Variants in LINGO2 observed in about 807,000 individuals in gnomAD.
The protein encoded by LINGO2 is leucine-rich repeat and immunoglobulin-like domain-containing nogo receptor-interacting protein 2.
LINGO2 carries 14 observed loss-of-function variants against 30.6 expected under a neutral mutation model. The observed-to-expected ratio is 0.46, with a 90% CI of 0.30 to 0.72. The LOEUF (loss-of-function observed/expected upper bound fraction) is 0.72. Among genes scored for constraint, LINGO2 ranks in the 30% least tolerant of loss-of-function variants. The pLI is 0.07. For missense variants in LINGO2, 729 were observed against 751.7 expected (o/e 0.97, Z 0.35); for synonymous variants, 317 against 288.5 (o/e 1.10, Z -1.00).
Position 28,363,146 on chromosome 9 carries a change from T to A in LINGO2, c.-246+9690A>T, listed in dbSNP as rs191719042. ...ATTTTGTGGATAAGGAAACTCAAGT[T>A]TAGAGATTAGAAGCGTCTCTTCCAA... On this transcript the variant is annotated intron_variant, in intron 3 of 5. Coordinates refer to ENST00000379992, the Ensembl canonical transcript of LINGO2. 6.8e-4 allele frequency among the ~76,000 whole-genome samples: 103 copies of A among 152,294 alleles called. 1 individual carries two copies. Among genetic ancestry groups the A allele is most frequent in the African/African-American group, 2.4e-3 (100 of 41,560 alleles).
intron 2 of LINGO2, among the ~76,000 whole-genome samples, chr9:28,377,559 T>C (rs1363790267): frequency 6.6e-6 from 1 of 152,110 alleles, no homozygotes; most frequent in East Asian, 1.9e-4. Context: ...GGGGGGTTAG[T>C]TTCCCAACCC....
At chr9:27,997,236 G>A (rs558295713) in intron 5 of LINGO2, among the ~76,000 whole-genome samples, 1 of 152,302 alleles carries the variant, frequency 6.6e-6, no homozygotes, top group East Asian at 1.9e-4. Flanking sequence ...ACCTACATTT[G>A]TACCACCTGG....
chr9:28,189,293 A>AAGGAAGGAAGGGAGGG (rs1819670899), intron 4 of LINGO2, among the ~76,000 whole-genome samples: 1 of 15,436 alleles, frequency 6.5e-5, no homozygotes, highest in Admixed American at 1.0e-3. Context: ...GGGAGGGAGG[A>AAGGAAGGAAGGGAGGG]AGGAAGGAAG....
intron 3 of LINGO2, among the ~76,000 whole-genome samples, chr9:28,337,717 CAG>C (rs1362064589): frequency 6.6e-6 from 1 of 152,130 alleles, no homozygotes; most frequent in African/African-American, 2.4e-5. Flanking sequence ...GTCATTGCTT[CAG>C]AGAGTGCCAG....
At chr9:28,766,926 T>C in the LINGO2 span, among the ~76,000 whole-genome samples, 2 of 151,980 alleles carry the variant, frequency 1.3e-5, no homozygotes, top group African/African-American at 4.8e-5. Context: ...TTAAGTGAAA[T>C]AAGTCAGACA....
rs141609690 is a variant in LINGO2 at position 28,455,070 on chromosome 9, T to G, written c.-279+20870A>C. Reference sequence around the variant, plus strand: ...TTCTTTTAGATCCCTTCACTCACTTTCTCTATTGCTTTCCATTTCCTGAAG... The same window carrying G: ...TTCTTTTAGATCCCTTCACTCACTTGCTCTATTGCTTTCCATTTCCTGAAG... On this transcript the variant is annotated intron_variant, in intron 2 of 5. Transcript: ENST00000379992. Among the ~76,000 whole-genome samples the G allele has an allele frequency of 2.1e-3, 314 of 152,156 alleles. 1 individual carries two copies. Among genetic ancestry groups the G allele is most frequent in the African/African-American group, 7.3e-3 (303 of 41,544 alleles).
chr9:29,029,331 C>T, the LINGO2 span, among the ~76,000 whole-genome samples: 2 of 152,014 alleles, frequency 1.3e-5, no homozygotes, highest in East Asian at 3.9e-4. Flanking sequence ...TGTTATCTGC[C>T]TAACAGATAT....
intron 2 of LINGO2, among the ~76,000 whole-genome samples, chr9:28,471,304 A>G (rs538374138): frequency 6.6e-6 from 1 of 152,314 alleles, no homozygotes; most frequent in African/African-American, 2.4e-5. Flanking sequence ...ATGGTAGAAA[A>G]ACAGAAGGGC....
intron 4 of LINGO2, among the ~76,000 whole-genome samples, chr9:28,067,791 T>C (rs1825357585): frequency 6.6e-6 from 1 of 152,166 alleles, no homozygotes; most frequent in African/African-American, 2.4e-5. Flanking sequence ...TTATGAATTA[T>C]TTAGCAACGC....
At chr9:28,808,157 C>T in the LINGO2 span, among the ~76,000 whole-genome samples, 1 of 152,130 alleles carries the variant, frequency 6.6e-6, no homozygotes, top group Non-Finnish European at 1.5e-5. Context: ...AAACATTCTG[C>T]AGAACCAAAA....
chr9:29,049,149 G>A, the LINGO2 span, among the ~76,000 whole-genome samples: 1 of 152,124 alleles, frequency 6.6e-6, no homozygotes, highest in Non-Finnish European at 1.5e-5. Context: ...ATAAAAAATA[G>A]GCAACAGATT....
intron 3 of LINGO2, among the ~76,000 whole-genome samples, chr9:28,337,829 T>G (rs146133043): frequency 0.017 from 2,630 of 152,122 alleles, 44 homozygotes; most frequent in South Asian, 0.069. Context: ...AGAGGATGTA[T>G]GGAAATGCCT....
chr9:28,202,649 C>A (rs1291965136), intron 4 of LINGO2, among the ~76,000 whole-genome samples: 5 of 152,086 alleles, frequency 3.3e-5, no homozygotes, highest in Admixed American at 3.3e-4. Context: ...GCTATCAATG[C>A]AGAAAAACCC....
the LINGO2 span, among the ~76,000 whole-genome samples, chr9:28,921,635 GAAGAGAGAGAGAT>G: frequency 6.6e-6 from 1 of 151,944 alleles, no homozygotes; most frequent in Non-Finnish European, 1.5e-5. Context: ...GAGCAAGGAG[GAAGAGAGAGAGAT>G]AAGCTAACCC....
At chr9:28,864,106 T>C in the LINGO2 span, among the ~76,000 whole-genome samples, 1 of 152,122 alleles carries the variant, frequency 6.6e-6, no homozygotes, top group Admixed American at 6.6e-5. Flanking sequence ...TATATAAGTG[T>C]TGCTGGGATA....
chr9:28,749,674 T>G, the LINGO2 span, among the ~76,000 whole-genome samples: 1 of 152,022 alleles, frequency 6.6e-6, no homozygotes. Context: ...GATAAGTAAT[T>G]TGTCCAAGGC....
chr9:29,209,737 T>C, the LINGO2 span, among the ~76,000 whole-genome samples: 2 of 152,142 alleles, frequency 1.3e-5, no homozygotes, highest in African/African-American at 4.8e-5. Flanking sequence ...AAGTAGCCCC[T>C]AAACCATAAA....
the LINGO2 span, among the ~76,000 whole-genome samples, chr9:29,011,391 T>C: frequency 1.0e-4 from 8 of 77,980 alleles, no homozygotes; most frequent in Admixed American, 1.6e-4. Context: ...GGGCTGTGAA[T>C]TGACATCCTT....
At chr9:28,995,786 C>T in the LINGO2 span, among the ~76,000 whole-genome samples, 4 of 151,826 alleles carry the variant, frequency 2.6e-5, no homozygotes, top group South Asian at 2.1e-4. Flanking sequence ...AACCAAACAC[C>T]GCATGTTCTC....
Sources: allele counts gnomAD v4.1 joint callset (sites outside exome capture counted in the v4.1 genomes callset), GRCh38; gene constraint gnomAD v4.1.1; transcripts MANE v1.5; gene names NCBI Gene and HGNC (gene_info 2026-07-23, HGNC 2026-07-21).